RYR3: variants seen among roughly 807,000 people sequenced by gnomAD.
RYR3 encodes ryanodine receptor 3, also known as brain ryanodine receptor-calcium release channel.
In RYR3, 207 loss-of-function variants were observed where a neutral mutation model predicts 584.3. That is an observed-to-expected ratio of 0.35 (90% CI 0.32 to 0.40). The LOEUF (loss-of-function observed/expected upper bound fraction) is 0.40. RYR3 is among the 10% of genes least tolerant of loss of function. The pLI is 1.00. For synonymous variants in RYR3, 2,416 were observed against 2,248.5 expected, an observed-to-expected ratio of 1.07 and a Z score of -2.11; for missense variants, 5,616 against 6,089.2, an observed-to-expected ratio of 0.92 and a Z score of 2.59.
At chr15:33,540,608 A>C (rs1445559562) in intron 6 of RYR3, among the ~76,000 whole-genome samples, 183 bp from the exon 7 acceptor site, 2 of 152,204 alleles carry the variant, frequency 1.3e-5, no homozygotes, top group Non-Finnish European at 2.9e-5. Flanking sequence ...TCCTCACCCC[A>C]GAATAAAGTG....
intron 1 of RYR3, among the ~76,000 whole-genome samples, chr15:33,465,065 C>T (rs985349051): frequency 2.6e-5 from 4 of 152,136 alleles, no homozygotes. Flanking sequence ...TTGCAAGTGA[C>T]ATGATGCCCT....
intron 71 of RYR3, 93 bp downstream of exon 71, chr15:33,810,742 G>A (rs2076483441): frequency 6.6e-7 from 1 of 1,507,938 alleles, no homozygotes; most frequent in Non-Finnish European, 9.1e-7. Flanking sequence ...CTCCCCTGGG[G>A]GGCGGGGAGC....
intron 32 of RYR3, 146 bp from the exon 33 acceptor site, chr15:33,659,574 G>T (rs2063024504): frequency 9.4e-6 from 6 of 641,536 alleles, no homozygotes; most frequent in African/African-American, 5.5e-5. Flanking sequence ...TAGATAACTG[G>T]TCTCTGCGAA....
chr15:33,601,224 C>T (rs2059645081), intron 16 of RYR3, among the ~76,000 whole-genome samples, 195 bp from the exon 17 acceptor site: 1 of 152,186 alleles, frequency 6.6e-6, no homozygotes, highest in South Asian at 2.1e-4. Flanking sequence ...GACTCATTTT[C>T]CCAAGAAGCA....
chr15:33,404,587 G>GTTTTTTTTTTTTTTTTT (rs1314769832), intron 1 of RYR3, among the ~76,000 whole-genome samples: 1 of 130,890 alleles, frequency 7.6e-6, no homozygotes, highest in African/African-American at 3.3e-5. Context: ...TTACTACTGT[G>GTTTTTTTTTTTTTTTTT]TGTTTTTTTT....
chr15:33,734,187 C>G (rs1014001227), intron 48 of RYR3, among the ~76,000 whole-genome samples: 7 of 152,140 alleles, frequency 4.6e-5, no homozygotes, highest in African/African-American at 1.7e-4. Flanking sequence ...CTTCCCAAAC[C>G]AGGCCTAATA....
At chr15:33,580,183 C>T (rs1276238753) in intron 13 of RYR3, 39 bp downstream of exon 13, 3 of 1,486,722 alleles carry the variant, frequency 2.0e-6, no homozygotes, top group Non-Finnish European at 2.7e-6. Flanking sequence ...CACTTAGTGT[C>T]CAGAGCTAGA....
intron 1 of RYR3, among the ~76,000 whole-genome samples, chr15:33,312,176 T>A (rs1274332022): frequency 6.6e-6 from 1 of 152,230 alleles, no homozygotes; most frequent in African/African-American, 2.4e-5. Flanking sequence ...CTCTCAGGAA[T>A]TAGAATGAAA....
At chr15:33,422,369 C>T (rs567670296) in intron 1 of RYR3, among the ~76,000 whole-genome samples, 2 of 152,216 alleles carry the variant, frequency 1.3e-5, no homozygotes, top group South Asian at 2.1e-4. Flanking sequence ...ATTTAAAAAC[C>T]ATTTATGGAA....
chr15:33,800,364 G>A (rs1265134716), intron 67 of RYR3, among the ~76,000 whole-genome samples: 1 of 152,172 alleles, frequency 6.6e-6, no homozygotes, highest in East Asian at 1.9e-4. Flanking sequence ...ATGTCTTAGT[G>A]ACCAAGACTT....
chr15:33,582,440 G>A (rs926301386), intron 14 of RYR3, among the ~76,000 whole-genome samples: 1 of 152,182 alleles, frequency 6.6e-6, no homozygotes, highest in African/African-American at 2.4e-5. Flanking sequence ...GATTACCACA[G>A]TACTGATCAA....
At chr15:33,713,172 G>A (rs1321309801) in intron 43 of RYR3, among the ~76,000 whole-genome samples, 1 of 152,174 alleles carries the variant, frequency 6.6e-6, no homozygotes, top group Non-Finnish European at 1.5e-5. Context: ...CGTGGCAGAT[G>A]ATGGAAGTAT....
intron 38 of RYR3, among the ~76,000 whole-genome samples, chr15:33,677,119 T>A (rs1466690152): frequency 6.6e-6 from 1 of 152,098 alleles, no homozygotes; most frequent in Non-Finnish European, 1.5e-5. Flanking sequence ...TCGGACAAAG[T>A]CTTGCAACAA....
At chr15:33,861,238 T>G (rs1311262065) in intron 102 of RYR3, 60 bp downstream of exon 102, 1 of 1,222,092 alleles carries the variant, frequency 8.2e-7, no homozygotes, top group Non-Finnish European at 1.2e-6. Context: ...GCCAATTAGG[T>G]CATATAGTTC....
At chr15:33,531,560 C>T (rs182670870) in intron 4 of RYR3, among the ~76,000 whole-genome samples, 2 of 151,854 alleles carry the variant, frequency 1.3e-5, no homozygotes, top group Admixed American at 1.3e-4. Flanking sequence ...ATGCAAAGTT[C>T]ATCTCAAGGC....
Position 33,512,704 on chromosome 15 carries a change from A to G in RYR3, c.279+8966A>G, listed in dbSNP as rs543153894. ...AATGCTCTGTTGAAATAATCTTGTC[A>G]TAATTGTATCTGTGATCTAGAAAGC... On this transcript the variant is annotated intron_variant, in intron 3 of 103. Transcript: ENST00000634891. Among the ~76,000 whole-genome samples, 3 of 152,340 alleles carry G rather than the reference A, an allele frequency of 2.0e-5. No individual in the cohort carries two copies. The South Asian group carries it at 6.2e-4, about 32-fold the overall frequency.
intron 2 of RYR3, among the ~76,000 whole-genome samples, chr15:33,498,938 T>TC (rs898940557): frequency 3.9e-5 from 6 of 152,174 alleles, no homozygotes; most frequent in African/African-American, 1.4e-4. Flanking sequence ...GACTGTTCTT[T>TC]CCCCAGGGTA....
At chr15:33,810,375 C>G (rs2152943964) in intron 70 of RYR3, 104 bp from the exon 71 acceptor site, 4 of 1,151,836 alleles carry the variant, frequency 3.5e-6, no homozygotes, top group South Asian at 2.9e-5. Context: ...AAGGCCCACC[C>G]TATACTGACA....
At chr15:33,739,053 T>C (rs1396014408) in intron 50 of RYR3, among the ~76,000 whole-genome samples, 3 of 152,172 alleles carry the variant, frequency 2.0e-5, no homozygotes, top group Non-Finnish European at 2.9e-5. Flanking sequence ...CAAGCACTCA[T>C]TTGAGGAGGC....
Sources: allele counts gnomAD v4.1 joint callset (sites outside exome capture counted in the v4.1 genomes callset), GRCh38; gene constraint gnomAD v4.1.1; transcripts MANE v1.5; gene names NCBI Gene and HGNC (gene_info 2026-07-23, HGNC 2026-07-21).